PMP22: variants seen among roughly 807,000 people sequenced by gnomAD.
The protein encoded by PMP22 is Charcot-Marie-Tooth neuropathy 1A (greatly reduced nerve conduction velocity, hereditary motor sensory neuropathy Ia).
Under a neutral mutation model 18.9 loss-of-function variants are expected in PMP22, and 2 were observed. That is an observed-to-expected ratio of 0.11 (90% confidence interval 0.04 to 0.33). The LOEUF is 0.33. PMP22 is among the 10% of genes least tolerant of loss of function. The pLI is 1.00. For missense variants in PMP22, 169 were observed against 202.2 expected (o/e 0.84, Z 1.00); for synonymous variants, 95 against 89.2 (o/e 1.07, Z -0.37).
intron 3 of PMP22, among the ~76,000 whole-genome samples, chr17:15,247,195 T>C (rs997851026): frequency 4.0e-5 from 6 of 150,460 alleles, no homozygotes; most frequent in South Asian, 4.2e-4. Context: ...CGGTGAAACC[T>C]CGTCTCTACT....
Position 15,258,641 on chromosome 17 carries a change from C to T in PMP22, c.178+453G>A, listed in dbSNP as rs1164553990. 4 of 246,212 alleles carry T rather than the reference C, an allele frequency of 1.6e-5. No homozygotes were observed. The highest frequency in any genetic ancestry group is 9.6e-5 in the Admixed American group (2 of 20,896). The allele number at this position is 246,212 out of a possible 1,614,324, so 15.3% of individuals were successfully genotyped here. A position where few individuals can be genotyped will look rare whatever the true frequency, so the allele number is the denominator to read the frequency against. On this transcript the variant is annotated intron_variant, in intron 3 of 4. Transcript: ENST00000312280. The surrounding 1 kb of genome is among the most constrained non-coding windows in gnomAD (Gnocchi z 4.1). Reference sequence around the variant, plus strand: ...CCTGGAAAGGCAGCCAGTCTTGTGTCCATGTAACTGACGGTGCAGTGAGCT... The same window carrying T: ...CCTGGAAAGGCAGCCAGTCTTGTGTTCATGTAACTGACGGTGCAGTGAGCT...
chr17:15,260,584 G>C, intron 2 of PMP22, 66 bp downstream of exon 2: 1 of 1,308,078 alleles, frequency 7.6e-7, no homozygotes. Flanking sequence ...ACCAGCAGGA[G>C]CACGGGCTGG....
At chr17:15,264,774 C>T (rs1909599001) in intron 1 of PMP22, among the ~76,000 whole-genome samples, 1 of 152,158 alleles carries the variant, frequency 6.6e-6, no homozygotes, top group Non-Finnish European at 1.5e-5. Context: ...CTTGCCACAC[C>T]CAGAGCCCGG....
chr17:15,244,614 T>A (rs1907629990), intron 3 of PMP22, among the ~76,000 whole-genome samples: 1 of 152,072 alleles, frequency 6.6e-6, no homozygotes, highest in South Asian at 2.1e-4. Flanking sequence ...GTTAAAAAAA[T>A]CATGAGTTAG....
chr17:15,246,451 A>G (rs182195589), intron 3 of PMP22, among the ~76,000 whole-genome samples: 50 of 152,370 alleles, frequency 3.3e-4, no homozygotes, highest in African/African-American at 1.2e-3. Flanking sequence ...TGTACAGAAA[A>G]TAATGATTCG....
chr17:15,233,425 G>A (rs1366758252), intron 4 of PMP22, among the ~76,000 whole-genome samples: 1 of 152,224 alleles, frequency 6.6e-6, no homozygotes, highest in Admixed American at 6.5e-5. Context: ...GGATGGGTAG[G>A]TCTGCAACAA....
rs555527694 is a variant in PMP22 at position 15,264,174 on chromosome 17, C to T, written c.-35+980G>A. On this transcript the variant is annotated intron_variant, in intron 1 of 4. Transcript: ENST00000312280. Reference sequence around the variant, plus strand: ...CTCACATCAACCTTTCAGGGAAGACCTGACCACCTCTGCACTAAAGTAGCT... The same window carrying T: ...CTCACATCAACCTTTCAGGGAAGACTTGACCACCTCTGCACTAAAGTAGCT... Among the ~76,000 whole-genome samples the T allele has an allele frequency of 9.9e-5, 15 of 152,212 alleles. 1 individual carries two copies. The Middle Eastern group carries it at 0.01, about 104-fold the overall frequency.
At position 15,260,496 on chromosome 17, in the gene PMP22, A is replaced by C. The variant is rs1169926239; in HGVS notation, c.78+154T>G. On this transcript the variant is annotated intron_variant, in intron 2 of 4. Transcript: ENST00000312280. ...AATCTGCTCTCGTTTTCTCAAAGCA[A>C]CTGGAAGGGGGCAGATTGCCAGAAA... 6 of 717,642 alleles carry C rather than the reference A, an allele frequency of 8.4e-6. No individual in the cohort carries two copies. The East Asian group carries it at 1.6e-4, about 20-fold the overall frequency. The allele number at this position is 717,642 out of a possible 1,614,324, so 44.5% of individuals were successfully genotyped here. A position where few individuals can be genotyped will look rare whatever the true frequency, so the allele number is the denominator to read the frequency against.
At chr17:15,235,384 T>C (rs937389387) in intron 4 of PMP22, 2 of 706,466 alleles carry the variant, frequency 2.8e-6, no homozygotes, top group African/African-American at 3.5e-5. Flanking sequence ...GTGTAAGCAG[T>C]AAAATAAATC....
chr17:15,242,568 AAATCAAAAAGT>A (rs1907441292), intron 3 of PMP22, among the ~76,000 whole-genome samples: 1 of 152,192 alleles, frequency 6.6e-6, no homozygotes, highest in African/African-American at 2.4e-5. Flanking sequence ...GAAAAAGTTA[AAATCAAAAAGT>A]AATCAAAATA....
intron 2 of PMP22, 69 bp from the exon 3 acceptor site, chr17:15,259,262 A>C: frequency 2.8e-5 from 35 of 1,267,766 alleles, no homozygotes; most frequent in Non-Finnish European, 3.9e-5. Flanking sequence ...GGGAAGGAGA[A>C]AGGCCCAGGG....
intron 3 of PMP22, among the ~76,000 whole-genome samples, chr17:15,246,196 A>T (rs1405000953): frequency 6.6e-6 from 1 of 152,234 alleles, no homozygotes; most frequent in Non-Finnish European, 1.5e-5. Context: ...CAGATAGCAA[A>T]CTATCTATAA....
At chr17:15,250,120 G>C (rs951051108) in intron 3 of PMP22, among the ~76,000 whole-genome samples, 4 of 152,100 alleles carry the variant, frequency 2.6e-5, no homozygotes, top group Non-Finnish European at 1.5e-5. Context: ...GGGTTTCACC[G>C]TGTTAGCCAG....
rs1010994938 is a variant in PMP22, at chr17:15,260,760, G to A, written c.-33C>T. 5.9e-6 allele frequency: 9 copies of A among 1,535,156 alleles called. No homozygotes were observed. In the Admixed American group the frequency reaches 1.4e-4, roughly 23 times the overall value. Reference sequence around the variant, plus strand: ...GCAAGTTCTGCTCAGCGGAGTTTCTGCCTGCGAGGAGAGCGCTGGGCGTGA... The same window carrying A: ...GCAAGTTCTGCTCAGCGGAGTTTCTACCTGCGAGGAGAGCGCTGGGCGTGA... On this transcript the variant is annotated splice_region_variant and 5_prime_UTR_variant, in exon 2 of 5. Coordinates refer to ENST00000312280, the MANE Select transcript of PMP22 (RefSeq NM_000304.4).
chr17:15,247,424 A>C (rs1457822970), intron 3 of PMP22, among the ~76,000 whole-genome samples: 2 of 152,212 alleles, frequency 1.3e-5, no homozygotes, highest in Non-Finnish European at 2.9e-5. Flanking sequence ...TCCTGTTCTG[A>C]GAGTGTCCGG....
intron 3 of PMP22, among the ~76,000 whole-genome samples, chr17:15,246,390 C>T (rs1460970849): frequency 6.6e-6 from 1 of 152,188 alleles, no homozygotes; most frequent in African/African-American, 2.4e-5. Context: ...AGGTTGGATT[C>T]GACATGCAAG....
At position 15,258,901 on chromosome 17, in the gene PMP22, C is replaced by T; in HGVS notation, c.178+193G>A. 1 of 655,868 alleles carries T rather than the reference C, an allele frequency of 1.5e-6. No homozygotes were observed. Among genetic ancestry groups the T allele is most frequent in the Non-Finnish European group, 2.8e-6 (1 of 359,476 alleles). The allele number at this position is 655,868 out of a possible 1,614,324, so 40.6% of individuals were successfully genotyped here. A position where few individuals can be genotyped will look rare whatever the true frequency, so the allele number is the denominator to read the frequency against. On this transcript the variant is annotated intron_variant, in intron 3 of 4. Coordinates refer to ENST00000312280, the MANE Select transcript of PMP22 (RefSeq NM_000304.4). This position sits in a 1 kb window ranked among gnomAD's most constrained non-coding sequence, Gnocchi z 4.1. ...AGGTAGAGTGAATCACAATGATGCC[C>T]AGGATCTCAGCTTCCCCAGCGAGAT...
chr17:15,260,703 T>C lies in PMP22; in HGVS notation c.25A>G (p.Ile9Val), dbSNP rs138515303. The change falls in exon 2 of 5, where the codon ATC (isoleucine) becomes GTC (valine). Residue 9 changes from isoleucine (I) to valine (V), a missense_variant. Coordinates refer to ENST00000312280, the MANE Select transcript of PMP22 (RefSeq NM_000304.4). Reference protein sequence around the residue: MLLLLLSIIVLHVAVLVLL... With the variant: MLLLLLSIVVLHVAVLVLL... ...ACCAGCACCGCGACGTGGAGGACGA[T>C]GATACTCAGCAACAGGAGGAGCATT... The C allele has an allele frequency of 7.1e-6, 11 of 1,553,590 alleles. No individual in the cohort carries two copies. Among genetic ancestry groups the C allele is most frequent in the African/African-American group, 5.5e-5 (4 of 73,216 alleles).
chr17:15,236,674 T>C (rs371144007), intron 4 of PMP22, among the ~76,000 whole-genome samples: 2 of 152,206 alleles, frequency 1.3e-5, no homozygotes, highest in South Asian at 4.1e-4. Flanking sequence ...ACAACCCTAA[T>C]CTACTTAGCT....
Sources: allele counts gnomAD v4.1 joint callset (sites outside exome capture counted in the v4.1 genomes callset), GRCh38; gene constraint gnomAD v4.1.1; non-coding constraint Gnocchi (gnomAD v3.1); transcripts MANE v1.5; gene names NCBI Gene and HGNC (gene_info 2026-07-23, HGNC 2026-07-21).